Variants in ANKFN1 observed in about 807,000 individuals in gnomAD.
The protein encoded by ANKFN1 is ankyrin repeat and fibronectin type III domain containing 1, also known as ankyrin repeat and fibronectin type-III domain-containing protein 1.
A neutral mutation model predicts 108.7 loss-of-function variants in ANKFN1; 74 were observed. The observed-to-expected ratio is 0.68, with a 90% CI of 0.56 to 0.83. The LOEUF is 0.83. Ranked by LOEUF, ANKFN1 falls within the 40% of genes least tolerant of loss-of-function variation. The probability of loss-of-function intolerance (pLI) is 0.00; values close to 1 mark genes in which losing one functional copy is unlikely to be tolerated. For synonymous variants in ANKFN1, 547 were observed against 516.2 expected, an observed-to-expected ratio of 1.06 and a Z score of -0.81; for missense variants, 1,505 against 1,382.3, an observed-to-expected ratio of 1.09 and a Z score of -1.41.
intron 3 of ANKFN1, among the ~76,000 whole-genome samples, chr17:56,263,021 C>T (rs550586240): frequency 1.1e-4 from 17 of 152,236 alleles, no homozygotes; most frequent in African/African-American, 2.9e-4. Flanking sequence ...CAAACGTTAG[C>T]GGAAAGGTTG....
intron 11 of ANKFN1, among the ~76,000 whole-genome samples, chr17:56,449,712 A>G (rs2049420247): frequency 6.6e-6 from 1 of 152,150 alleles, no homozygotes; most frequent in Non-Finnish European, 1.5e-5. Flanking sequence ...CCAAGGTCAC[A>G]ATGCCAGGAA....
chr17:56,327,198 G>A (rs1370729162), intron 4 of ANKFN1, among the ~76,000 whole-genome samples: 2 of 152,094 alleles, frequency 1.3e-5, no homozygotes, highest in Non-Finnish European at 2.9e-5. Flanking sequence ...TAAGAGGTAG[G>A]CCAACCTCAG....
intron 4 of ANKFN1, among the ~76,000 whole-genome samples, chr17:56,065,094 G>T (rs1416788386): frequency 1.3e-5 from 2 of 152,170 alleles, no homozygotes; most frequent in Non-Finnish European, 2.9e-5. Flanking sequence ...GGTGGTGAAG[G>T]ATCCTCATGC....
intron 4 of ANKFN1, among the ~76,000 whole-genome samples, chr17:56,101,809 C>G (rs936608363): frequency 4.6e-5 from 7 of 152,176 alleles, no homozygotes; most frequent in African/African-American, 1.7e-4. Context: ...TCTCTTGCAT[C>G]AGAATACCTG....
chr17:56,259,769 G>A (rs2043456959), intron 3 of ANKFN1, among the ~76,000 whole-genome samples: 1 of 152,088 alleles, frequency 6.6e-6, no homozygotes, highest in Admixed American at 6.5e-5. Context: ...TGTGTTTCCT[G>A]TTAATGCTTG....
chr17:56,395,991 A>G (rs958582801), intron 8 of ANKFN1, among the ~76,000 whole-genome samples: 26 of 152,218 alleles, frequency 1.7e-4, no homozygotes, highest in African/African-American at 5.8e-4. Context: ...TATTGAATGA[A>G]TAAAATGACA....
chr17:56,365,790 G>T (rs2046645179), intron 6 of ANKFN1, among the ~76,000 whole-genome samples: 1 of 152,132 alleles, frequency 6.6e-6, no homozygotes, highest in Non-Finnish European at 1.5e-5. Flanking sequence ...AACCTACTGT[G>T]CTGCCAGTCA....
intron 3 of ANKFN1, among the ~76,000 whole-genome samples, chr17:56,279,676 T>C (rs889839923): frequency 6.6e-6 from 1 of 152,200 alleles, no homozygotes; most frequent in Non-Finnish European, 1.5e-5. Context: ...CTAGATGACA[T>C]TGTCTGCTGG....
At chr17:56,134,339 C>A (rs1037482589) in intron 4 of ANKFN1, among the ~76,000 whole-genome samples, 3 of 152,128 alleles carry the variant, frequency 2.0e-5, no homozygotes, top group Admixed American at 6.5e-5. Flanking sequence ...GAGGCATCAT[C>A]ATGTAGGCAT....
At chr17:56,503,154 C>T (rs927878253) in intron 20 of ANKFN1, among the ~76,000 whole-genome samples, 23 of 151,084 alleles carry the variant, frequency 1.5e-4, no homozygotes, top group East Asian at 5.8e-4. Flanking sequence ...TTTTCCAATA[C>T]TGCTGTTTCT....
intron 3 of ANKFN1, among the ~76,000 whole-genome samples, chr17:56,252,665 C>A (rs2043261969): frequency 6.7e-6 from 1 of 149,878 alleles, no homozygotes; most frequent in African/African-American, 2.5e-5. Context: ...GTAGTCCTGG[C>A]TACTAAGGAG....
At chr17:56,362,353 A>G (rs907778975) in intron 6 of ANKFN1, among the ~76,000 whole-genome samples, 9 of 152,370 alleles carry the variant, frequency 5.9e-5, no homozygotes, top group African/African-American at 2.2e-4. Flanking sequence ...TGTCCAACAC[A>G]GAATCCACTA....
At chr17:56,268,594 A>T (rs2043714401) in intron 3 of ANKFN1, among the ~76,000 whole-genome samples, 3 of 152,330 alleles carry the variant, frequency 2.0e-5, no homozygotes, top group Admixed American at 2.0e-4. Context: ...ACTGAGTGGA[A>T]TGAAACTGAG....
intron 8 of ANKFN1, among the ~76,000 whole-genome samples, chr17:56,387,501 T>C (rs1384206359): frequency 1.3e-5 from 2 of 152,230 alleles, no homozygotes; most frequent in Admixed American, 1.3e-4. Flanking sequence ...TATGCACATA[T>C]CATATGTTAA....
At chr17:56,104,722 G>A (rs1414313974) in intron 4 of ANKFN1, among the ~76,000 whole-genome samples, 1 of 152,180 alleles carries the variant, frequency 6.6e-6, no homozygotes, top group Non-Finnish European at 1.5e-5. Context: ...GCAGAGCCCT[G>A]TGCTTCTGCT....
intron 3 of ANKFN1, among the ~76,000 whole-genome samples, chr17:56,244,118 G>A (rs1917784265): frequency 6.6e-6 from 1 of 151,926 alleles, no homozygotes; most frequent in African/African-American, 2.4e-5. Flanking sequence ...GAAAAGGAGT[G>A]GTGACTATAA....
At chr17:56,294,491 AG>A (rs2044453249) in intron 3 of ANKFN1, among the ~76,000 whole-genome samples, 1 of 152,260 alleles carries the variant, frequency 6.6e-6, no homozygotes, top group African/African-American at 2.4e-5. Flanking sequence ...CTTCTCTCTC[AG>A]ACTGCAAGCC....
rs542903520 is a variant in ANKFN1, at chr17:56,280,356, G to A, written c.54-45865G>A. 9.9e-5 allele frequency among the ~76,000 whole-genome samples: 15 copies of A among 152,246 alleles called. No individual in the cohort carries two copies. In the South Asian group the frequency reaches 2.9e-3, roughly 30 times the overall value. ...TAGAATAAAAAGGCAGAGGAAGGGC[G>A]ATTTGCTTCTTAAACTGGGATGACC... On this transcript the variant is annotated intron_variant, in intron 3 of 20. Coordinates refer to ENST00000682825, the MANE Select transcript of ANKFN1 (RefSeq NM_001370326.1).
chr17:56,084,968 C>A (rs1905290082), intron 4 of ANKFN1, among the ~76,000 whole-genome samples: 1 of 150,758 alleles, frequency 6.6e-6, no homozygotes, highest in African/African-American at 2.4e-5. Flanking sequence ...ACAATCTGGG[C>A]TCAGTTCAAG....
Sources: allele counts gnomAD v4.1 joint callset (sites outside exome capture counted in the v4.1 genomes callset), GRCh38; gene constraint gnomAD v4.1.1; transcripts MANE v1.5; gene names NCBI Gene and HGNC (gene_info 2026-07-23, HGNC 2026-07-21).